ANKRD36C: variants seen among roughly 807,000 people sequenced by gnomAD.
The protein encoded by ANKRD36C is ankyrin repeat domain-containing protein 36C.
ANKRD36C carries 61 observed loss-of-function variants against 276.4 expected under a neutral mutation model. The ratio of observed to expected loss-of-function variants is 0.22; its 90% CI spans 0.18 to 0.27. The LOEUF (loss-of-function observed/expected upper bound fraction) is 0.27. Ranked by LOEUF, ANKRD36C falls within the 10% of genes least tolerant of loss-of-function variation. The pLI is 1.00. For synonymous variants in ANKRD36C, 483 were observed against 680.1 expected, an observed-to-expected ratio of 0.71 and a Z score of 4.51; for missense variants, 1,447 against 2,032.3, an observed-to-expected ratio of 0.71 and a Z score of 5.54.
At chr2:95,887,673 C>T (rs1420196846) in intron 50 of ANKRD36C, among the ~76,000 whole-genome samples, 3 of 151,674 alleles carry the variant, frequency 2.0e-5, no homozygotes, top group Non-Finnish European at 4.4e-5. Flanking sequence ...CCCTGAGCCC[C>T]TTATGTCTTG....
intron 3 of ANKRD36C, among the ~76,000 whole-genome samples, chr2:95,983,584 CATTT>C (rs201816275): frequency 0.064 from 9,496 of 148,668 alleles, 337 homozygotes; most frequent in Middle Eastern, 0.1. Flanking sequence ...TTATTTGCAT[CATTT>C]ATTTATTTAT....
exon 40 of ANKRD36C, chr2:95,914,127 A>G: frequency 6.3e-7 from 1 of 1,575,988 alleles, no homozygotes; most frequent in Non-Finnish European, 8.6e-7. Context: ...TTTTTTCTCC[A>G]TCCTCTTTTC....
intron 59 of ANKRD36C, among the ~76,000 whole-genome samples, chr2:95,869,548 G>C (rs2104292049): frequency 6.6e-6 from 1 of 152,342 alleles, no homozygotes; most frequent in South Asian, 2.1e-4. Flanking sequence ...TGGCTGAATA[G>C]GAACAGCTCC....
intron 42 of ANKRD36C, 124 bp from the exon 53 acceptor site, chr2:95,903,205 C>A (rs1451137460): frequency 1.4e-6 from 2 of 1,460,306 alleles, no homozygotes. Context: ...TTGATGGCTT[C>A]TACTTTGTGT....
At chr2:95,860,327 A>AC (rs1390114359) in intron 60 of ANKRD36C, among the ~76,000 whole-genome samples, 4 of 152,278 alleles carry the variant, frequency 2.6e-5, no homozygotes, top group African/African-American at 9.6e-5. Context: ...CCTGTAAAAA[A>AC]AAAAAAAAAC....
At chr2:95,871,420 T>C (rs1198347467) in intron 59 of ANKRD36C, among the ~76,000 whole-genome samples, 1 of 151,782 alleles carries the variant, frequency 6.6e-6, no homozygotes, top group Non-Finnish European at 1.5e-5. Context: ...CAAACTAAGC[T>C]TCATAAGTGA....
intron 10 of ANKRD36C, among the ~76,000 whole-genome samples, chr2:95,959,821 C>G (rs1678414477): frequency 6.6e-6 from 1 of 152,114 alleles, no homozygotes; most frequent in Non-Finnish European, 1.5e-5. Context: ...AGAGGGTTAA[C>G]AGGTGACTGT....
chr2:95,988,248 G>C (rs1467236969), intron 1 of ANKRD36C, among the ~76,000 whole-genome samples: 2 of 151,636 alleles, frequency 1.3e-5, no homozygotes, highest in Non-Finnish European at 2.9e-5. Flanking sequence ...CAAATGAATA[G>C]GTATGGCTCA....
At chr2:95,938,299 AC>A (rs1233252260) in intron 22 of ANKRD36C, among the ~76,000 whole-genome samples, 6 of 151,616 alleles carry the variant, frequency 4.0e-5, no homozygotes, top group African/African-American at 1.5e-4. Context: ...CACTGTATCT[AC>A]CAAAGAGTTA....
chr2:95,915,329 G>A (rs565112932), intron 38 of ANKRD36C, among the ~76,000 whole-genome samples: 1 of 151,476 alleles, frequency 6.6e-6, no homozygotes, highest in Non-Finnish European at 1.5e-5. Context: ...ACAAAGAGGA[G>A]TAATGAGTCA....
chr2:95,860,336 AC>A (rs1337176598), intron 60 of ANKRD36C, among the ~76,000 whole-genome samples: 3 of 152,020 alleles, frequency 2.0e-5, no homozygotes, highest in Non-Finnish European at 2.9e-5. Context: ...AAAAAAAAAA[AC>A]ATAGTTATGT....
Position 95,896,840 on chromosome 2 carries a change from C to T in ANKRD36C, c.2755+2305G>A, listed in dbSNP as rs1045231916. Among the ~76,000 whole-genome samples, 17 of 149,944 alleles carry T rather than the reference C, an allele frequency of 1.1e-4. 1 individual carries two copies. Among genetic ancestry groups the T allele is most frequent in the African/African-American group, 4.2e-4 (17 of 40,708 alleles). ...ATCTCCCTTAGGAAAATAGTTGCTA[C>T]ACCAGGGGTCTCCTTAGTTCTCCTA... On this transcript the variant is annotated intron_variant, in intron 44 of 66. Coordinates refer to ENST00000456556, the Ensembl canonical transcript of ANKRD36C.
chr2:95,884,187 T>A, exon 54 of ANKRD36C: 1 of 1,608,370 alleles, frequency 6.2e-7, no homozygotes, highest in Non-Finnish European at 8.5e-7. Context: ...CCCAGATTTT[T>A]CTCCATCCTT....
chr2:95,917,488 C>T (rs1449724896), intron 36 of ANKRD36C, among the ~76,000 whole-genome samples: 3 of 151,510 alleles, frequency 2.0e-5, no homozygotes, highest in Non-Finnish European at 3.0e-5. Flanking sequence ...CTCAGCAGTA[C>T]GATGTGACGT....
In ANKRD36C at chr2:95,910,371, A is replaced by G. The variant is rs2104393552; in HGVS notation, c.2653+1873T>C. On this transcript the variant is annotated intron_variant, in intron 42 of 66. Coordinates refer to ENST00000456556, the Ensembl canonical transcript of ANKRD36C. ...CGACATTAAATCTGTTTTCAAAATT[A>G]CCTGTCCTAGATTTTTCTCCATCCT... 6.5e-7 allele frequency: 1 copy of G among 1,537,042 alleles called. No individual in the cohort carries two copies. The highest frequency in any genetic ancestry group is 8.8e-7 in the Non-Finnish European group (1 of 1,141,942).
intron 44 of ANKRD36C, chr2:95,894,148 A>G (rs1676464129): frequency 4.3e-6 from 1 of 230,190 alleles, no homozygotes. Context: ...AACATTCATC[A>G]TGCTCTTTAA....
chr2:95,991,285 C>T (rs1469048668), intron 1 of ANKRD36C, among the ~76,000 whole-genome samples: 1 of 89,632 alleles, frequency 1.1e-5, no homozygotes, highest in African/African-American at 4.8e-5. Flanking sequence ...CCCCATGCAC[C>T]CCCTACTCCC....
intron 42 of ANKRD36C, among the ~76,000 whole-genome samples, chr2:95,908,063 T>C (rs1318420644): frequency 6.6e-6 from 1 of 150,870 alleles, no homozygotes; most frequent in Admixed American, 6.6e-5. Flanking sequence ...CTTAGGAAAA[T>C]AGTTGCTACA....
intron 34 of ANKRD36C, among the ~76,000 whole-genome samples, chr2:95,921,259 T>G (rs934167280): frequency 1.3e-4 from 20 of 150,622 alleles, no homozygotes; most frequent in Non-Finnish European, 1.9e-4. Context: ...GTCTGTAAAA[T>G]CTATACTTCC....
Sources: allele counts gnomAD v4.1 joint callset (sites outside exome capture counted in the v4.1 genomes callset), GRCh38; gene constraint gnomAD v4.1.1; transcripts MANE v1.5; gene names NCBI Gene and HGNC (gene_info 2026-07-23, HGNC 2026-07-21).